NSD1: variants seen among roughly 807,000 people sequenced by gnomAD.
NSD1 encodes the protein nuclear receptor binding SET domain protein 1.
In NSD1, 26 loss-of-function variants were observed where a neutral mutation model predicts 242.7. The observed-to-expected ratio is 0.11, with a 90% confidence interval of 0.08 to 0.15. The LOEUF is 0.15. NSD1 is among the 10% of genes least tolerant of loss of function. The pLI, the probability that NSD1 is intolerant of heterozygous loss-of-function variation, is 1.00. For missense variants in NSD1, 2,495 were observed against 3,272.8 expected, an observed-to-expected ratio of 0.76 and a Z score of 5.80; for synonymous variants, 1,106 against 1,178.1, an observed-to-expected ratio of 0.94 and a Z score of 1.25.
At chr5:177,239,544 C>T (rs1211984983) in intron 7 of NSD1, among the ~76,000 whole-genome samples, 1 of 152,234 alleles carries the variant, frequency 6.6e-6, no homozygotes, top group Non-Finnish European at 1.5e-5. Flanking sequence ...ACACACATCC[C>T]TCACATTAGT....
rs1048341109 is a variant in NSD1 at position 177,265,738 on chromosome 5, C to T, written c.5147-1824C>T. The T allele has an allele frequency of 3.8e-6, 6 of 1,565,860 alleles. No homozygotes were observed. In the East Asian group the frequency reaches 6.7e-5, roughly 18 times the overall value. Reference sequence around the variant, plus strand: ...TCAGGTAGTCCTCCATGTAGAACACCGTCTGCTTCCAGTGCGTGTACAGGG... The same window carrying T: ...TCAGGTAGTCCTCCATGTAGAACACTGTCTGCTTCCAGTGCGTGTACAGGG... On this transcript the variant is annotated intron_variant, in intron 14 of 22. Coordinates refer to ENST00000439151, the MANE Select transcript of NSD1 (RefSeq NM_022455.5).
intron 3 of NSD1, among the ~76,000 whole-genome samples, chr5:177,200,812 A>T (rs1050969581): frequency 6.6e-6 from 1 of 152,066 alleles, no homozygotes; most frequent in African/African-American, 2.4e-5. Context: ...TTTTCCATTC[A>T]TCCATCAGAG....
intron 11 of NSD1, 83 bp downstream of exon 11, chr5:177,248,407 C>G (rs1766467510): frequency 1.3e-6 from 2 of 1,481,486 alleles, no homozygotes; most frequent in South Asian, 1.2e-5. Context: ...ATGATGGTTT[C>G]TTGGTAGAAT....
At chr5:177,150,784 T>G (rs1259435275) in intron 2 of NSD1, among the ~76,000 whole-genome samples, 2 of 152,190 alleles carry the variant, frequency 1.3e-5, no homozygotes, top group African/African-American at 4.8e-5. Flanking sequence ...TCCTGTGTTA[T>G]CTCTGATTTC....
intron 15 of NSD1, among the ~76,000 whole-genome samples, chr5:177,268,717 T>C (rs1757717996): frequency 6.6e-6 from 1 of 152,158 alleles, no homozygotes; most frequent in Non-Finnish European, 1.5e-5. Flanking sequence ...GAGAGTTTGT[T>C]TTCTTTGCTG....
Position 177,211,107 on chromosome 5 carries a change from C to G in NSD1, c.2708C>G (p.Pro903Arg). The G allele has an allele frequency of 6.2e-7, 1 of 1,614,156 alleles. No homozygotes were observed. The change falls in exon 5 of 23, where the codon CCA (proline) becomes CGA (arginine). Residue 903 changes from proline (P) to arginine (R), a missense_variant. Pro to Arg is a moderately radical substitution (Grantham distance 103, BLOSUM62 -2). Coordinates refer to ENST00000439151, the MANE Select transcript of NSD1 (RefSeq NM_022455.5). ...AGTCAGAATCACATACCTATTGAACCAGACTACAAATTCAGTACATTGCTA... is the reference window on the plus strand; with the variant it reads ...AGTCAGAATCACATACCTATTGAACGAGACTACAAATTCAGTACATTGCTA... Reference protein sequence around the residue: ...ASSQNHIPIEPDYKFSTLLMM... With the variant: ...ASSQNHIPIERDYKFSTLLMM...
chr5:177,265,726 C>T (rs1388943895), intron 14 of NSD1: 19 of 1,585,954 alleles, frequency 1.2e-5, no homozygotes, highest in Middle Eastern at 1.7e-4. Context: ...GGTAGTCCTC[C>T]ATGTAGAACA....
chr5:177,280,454 A>G, intron 17 of NSD1, 111 bp from the exon 18 acceptor site: 2 of 1,212,422 alleles, frequency 1.6e-6, no homozygotes, highest in Non-Finnish European at 2.4e-6. Context: ...ATAGTTCAAA[A>G]TCATGGGAAA....
chr5:177,250,164 A>G (rs1755820827), intron 11 of NSD1, among the ~76,000 whole-genome samples: 2 of 152,246 alleles, frequency 1.3e-5, no homozygotes, highest in Admixed American at 1.3e-4. Context: ...TGTGGCCAAT[A>G]TAATTTCAAT....
intron 8 of NSD1, among the ~76,000 whole-genome samples, chr5:177,242,514 A>ATTATTTATTTATTTAT (rs10605953): frequency 0.16 from 23,051 of 145,398 alleles, 2,239 homozygotes; most frequent in Admixed American, 0.24. Context: ...AATGGCCTTT[A>ATTATTTATTTATTTAT]TTATTTATTT....
rs1249412025 is a variant in NSD1, at chr5:177,267,556, C to G, written c.5147-6C>G. Reference sequence around the variant, plus strand: ...ATCTGAATGCCACATTTTTTTATTCCCACAGGAGGCAGCCTTCTGTGCTGT... The same window carrying G: ...ATCTGAATGCCACATTTTTTTATTCGCACAGGAGGCAGCCTTCTGTGCTGT... On this transcript the variant is annotated splice_polypyrimidine_tract_variant and splice_region_variant and intron_variant, in intron 14 of 22. Coordinates refer to ENST00000439151, the MANE Select transcript of NSD1 (RefSeq NM_022455.5). 1.2e-6 allele frequency: 2 copies of G among 1,613,290 alleles called. No individual in the cohort carries two copies. The highest frequency in any genetic ancestry group is 1.7e-6 in the Non-Finnish European group (2 of 1,179,668).
intron 2 of NSD1, among the ~76,000 whole-genome samples, chr5:177,186,074 TATATA>T (rs1269477827): frequency 1.3e-4 from 16 of 118,918 alleles, no homozygotes; most frequent in Non-Finnish European, 9.8e-5. Flanking sequence ...ATATATGTTA[TATATA>T]ATATATTATA....
At chr5:177,187,365 A>C (rs1023361651) in intron 2 of NSD1, among the ~76,000 whole-genome samples, 9 of 152,176 alleles carry the variant, frequency 5.9e-5, no homozygotes, top group African/African-American at 2.2e-4. Flanking sequence ...TTGGCCTCCC[A>C]AAGTGCTGGG....
chr5:177,251,664 G>A, intron 11 of NSD1, 66 bp from the exon 12 acceptor site: 1 of 1,559,670 alleles, frequency 6.4e-7, no homozygotes. Context: ...TTAACCCACT[G>A]ACACTGGTTT....
intron 2 of NSD1, chr5:177,137,464 GT>G (rs1756434935): frequency 6.6e-6 from 1 of 152,122 alleles, no homozygotes; most frequent in African/African-American, 2.4e-5. Context: ...TTTTGTTTCT[GT>G]TGATTTGTAT....
intron 2 of NSD1, among the ~76,000 whole-genome samples, chr5:177,166,034 C>T (rs1354581746): frequency 6.6e-6 from 1 of 151,820 alleles, no homozygotes; most frequent in Non-Finnish European, 1.5e-5. Flanking sequence ...CTCAGCCTCC[C>T]GAGTGGCTGG....
intron 17 of NSD1, among the ~76,000 whole-genome samples, chr5:177,279,961 A>T (rs977137046): frequency 1.4e-5 from 2 of 140,006 alleles, no homozygotes; most frequent in African/African-American, 2.8e-5. Context: ...TTTAAAGTTC[A>T]TATTTTATTT....
intron 4 of NSD1, among the ~76,000 whole-genome samples, chr5:177,205,483 C>T (rs1293626209): frequency 6.6e-6 from 1 of 151,144 alleles, no homozygotes; most frequent in African/African-American, 2.4e-5. Flanking sequence ...GAGAAAAATA[C>T]CAGCTTATTT....
intron 2 of NSD1, among the ~76,000 whole-genome samples, chr5:177,181,426 G>GTTTT (rs1554183364): frequency 8.3e-5 from 10 of 119,762 alleles, no homozygotes; most frequent in African/African-American, 1.6e-4. Context: ...GTTTTTTTTT[G>GTTTT]GTTTTTTTTT....
Sources: gnomAD v4.1 joint callset for allele counts (sites outside exome capture counted in the v4.1 genomes callset) on GRCh38, gnomAD v4.1.1 for gene constraint, MANE v1.5 for transcripts, NCBI Gene and HGNC (gene_info 2026-07-23, HGNC 2026-07-21) for gene names.